Variants in TNNI3K observed in about 807,000 individuals in gnomAD.
The protein encoded by TNNI3K is serine/threonine-protein kinase TNNI3K.
In TNNI3K, 140 loss-of-function variants were observed where a neutral mutation model predicts 114.5. The ratio of observed to expected loss-of-function variants is 1.22; its 90% CI spans 1.07 to 1.41. The LOEUF is 1.41. Among genes scored for constraint, TNNI3K ranks in the 40% most tolerant of loss-of-function variants. The pLI, the probability that TNNI3K is intolerant of heterozygous loss-of-function variation, is 0.00. For missense variants in TNNI3K, 1,125 were observed against 1,007.6 expected, an observed-to-expected ratio of 1.12 and a Z score of -1.58; for synonymous variants, 347 against 347.5, an observed-to-expected ratio of 1.00 and a Z score of 0.02.
intron 23 of TNNI3K, among the ~76,000 whole-genome samples, chr1:74,525,584 G>A (rs910417512): frequency 1.3e-5 from 2 of 152,200 alleles, no homozygotes; most frequent in Non-Finnish European, 2.9e-5. Context: ...TAAACTCTGT[G>A]CCCAAATGCC....
chr1:74,467,320 T>A (rs1299364802), intron 21 of TNNI3K, among the ~76,000 whole-genome samples: 1 of 152,160 alleles, frequency 6.6e-6, no homozygotes, highest in African/African-American at 2.4e-5. Flanking sequence ...ACTTTCTAGG[T>A]TATCAACTGT....
At chr1:74,541,681 A>C (rs1646728528) in intron 24 of TNNI3K, 1 of 152,220 alleles carries the variant, frequency 6.6e-6, no homozygotes, top group Non-Finnish European at 1.5e-5. Context: ...CAAGATGGAG[A>C]AGTAAGAGAA....
At chr1:74,535,004 G>T (rs150910373) in intron 23 of TNNI3K, among the ~76,000 whole-genome samples, 1 of 151,004 alleles carries the variant, frequency 6.6e-6, no homozygotes, top group Non-Finnish European at 1.5e-5. Context: ...CAGTGGTAAC[G>T]TATAGCCAGA....
chr1:74,465,539 C>G (rs945557521), intron 21 of TNNI3K, among the ~76,000 whole-genome samples: 1 of 152,072 alleles, frequency 6.6e-6, no homozygotes, highest in African/African-American at 2.4e-5. Context: ...CCCGAGTCCC[C>G]CCCCAACCGT....
At chr1:74,297,221 G>A (rs1004239515) in intron 5 of TNNI3K, among the ~76,000 whole-genome samples, 4 of 152,126 alleles carry the variant, frequency 2.6e-5, no homozygotes, top group East Asian at 1.9e-4. Context: ...GAAATTCTGC[G>A]CTGCTCATTT....
chr1:74,365,892 G>A (rs1364855714), intron 11 of TNNI3K, among the ~76,000 whole-genome samples: 1 of 151,342 alleles, frequency 6.6e-6, no homozygotes, highest in Non-Finnish European at 1.5e-5. Context: ...ATAGACACTA[G>A]TTTTTAACTA....
At chr1:74,498,438 G>C (rs1211178516) in intron 23 of TNNI3K, among the ~76,000 whole-genome samples, 1 of 152,014 alleles carries the variant, frequency 6.6e-6, no homozygotes, top group African/African-American at 2.4e-5. Context: ...TTCCCTATTA[G>C]ATCATAAATA....
intron 17 of TNNI3K, among the ~76,000 whole-genome samples, chr1:74,394,761 T>G (rs1255085120): frequency 2.6e-5 from 4 of 152,142 alleles, no homozygotes; most frequent in African/African-American, 9.7e-5. Context: ...AGAAAACACT[T>G]AGGCCGGGCG....
Position 74,340,648 on chromosome 1 carries a change from G to A in TNNI3K, c.683-2194G>A, listed in dbSNP as rs573310488. The stretch of plus-strand genomic sequence containing the variant: ...TAATTCAATTGGCGAGGGATACTGG[G>A]TGGGGCCAAGGATGGCCAAAGGCAA... On this transcript the variant is annotated intron_variant, in intron 7 of 24. Transcript: ENST00000326637. Among the ~76,000 whole-genome samples the A allele has an allele frequency of 5.3e-5, 8 of 152,298 alleles. No individual in the cohort carries two copies. In the South Asian group the frequency reaches 1.7e-3, roughly 32 times the overall value.
At chr1:74,464,688 T>C in intron 21 of TNNI3K, 1 of 1,597,150 alleles carries the variant, frequency 6.3e-7, no homozygotes, top group South Asian at 1.1e-5. Flanking sequence ...CAGAAACTCT[T>C]AAGAAGAAAA....
At chr1:74,384,887 C>T (rs1663393818) in intron 17 of TNNI3K, among the ~76,000 whole-genome samples, 1 of 152,058 alleles carries the variant, frequency 6.6e-6, no homozygotes. Flanking sequence ...TTTTAGCTGA[C>T]CCAGAAGTTG....
intron 5 of TNNI3K, among the ~76,000 whole-genome samples, chr1:74,275,242 C>T (rs565103175): frequency 6.6e-6 from 1 of 151,972 alleles, no homozygotes; most frequent in African/African-American, 2.4e-5. Context: ...AGAAGGCTCA[C>T]AGTCATGGCA....
chr1:74,463,657 C>T (rs762529211), intron 21 of TNNI3K, 107 bp downstream of exon 21: 26 of 1,263,832 alleles, frequency 2.1e-5, no homozygotes, highest in Non-Finnish European at 2.7e-5. Flanking sequence ...ACTGTCAAGG[C>T]GGGAAGACTG....
At chr1:74,343,931 CA>C (rs1660872186) in intron 9 of TNNI3K, among the ~76,000 whole-genome samples, 1 of 152,138 alleles carries the variant, frequency 6.6e-6, no homozygotes, top group Non-Finnish European at 1.5e-5. Context: ...TTTGCTAAAA[CA>C]GTAAAAGCAT....
chr1:74,300,808 G>T (rs1234952199), intron 5 of TNNI3K, among the ~76,000 whole-genome samples: 2 of 152,112 alleles, frequency 1.3e-5, no homozygotes, highest in African/African-American at 4.8e-5. Context: ...TTTGTTGTTT[G>T]CTATCTGGCT....
intron 7 of TNNI3K, among the ~76,000 whole-genome samples, chr1:74,337,143 G>A (rs1470152538): frequency 6.6e-6 from 1 of 151,944 alleles, no homozygotes. Context: ...CTGCATAAAT[G>A]TCTTCTTTTG....
chr1:74,272,311 A>G (rs1557465469), intron 5 of TNNI3K, among the ~76,000 whole-genome samples: 2 of 151,960 alleles, frequency 1.3e-5, no homozygotes, highest in Admixed American at 6.6e-5. Flanking sequence ...AAAATATTAC[A>G]TAATTTTAAT....
At chr1:74,262,228 T>C (rs1270898808) in intron 4 of TNNI3K, among the ~76,000 whole-genome samples, 1 of 152,102 alleles carries the variant, frequency 6.6e-6, no homozygotes, top group Non-Finnish European at 1.5e-5. Flanking sequence ...AATTCTTTGC[T>C]GTGGGAGGCT....
chr1:74,325,020 T>A (rs1659823804), intron 5 of TNNI3K, among the ~76,000 whole-genome samples: 2 of 152,142 alleles, frequency 1.3e-5, no homozygotes, highest in African/African-American at 4.8e-5. Context: ...AAGAATAAGC[T>A]GAAGTCAGCT....
Sources: gnomAD v4.1 joint callset for allele counts (sites outside exome capture counted in the v4.1 genomes callset) on GRCh38, gnomAD v4.1.1 for gene constraint, MANE v1.5 for transcripts, NCBI Gene and HGNC (gene_info 2026-07-23, HGNC 2026-07-21) for gene names.